KHDRBS2: variants seen among roughly 807,000 people sequenced by gnomAD.
KHDRBS2 encodes KH RNA binding domain containing, signal transduction associated 2.
Under a neutral mutation model 44.3 loss-of-function variants are expected in KHDRBS2, and 26 were observed. The ratio of observed to expected loss-of-function variants is 0.59; its 90% CI spans 0.43 to 0.81. The LOEUF (loss-of-function observed/expected upper bound fraction) is 0.81, where lower values mean the gene tolerates loss of function less well. KHDRBS2 is among the 40% of genes least tolerant of loss of function. KHDRBS2 has a pLI of 0.00. For synonymous variants in KHDRBS2, 194 were observed against 151.1 expected (o/e 1.28, Z -2.08); for missense variants, 476 against 433.1 (o/e 1.10, Z -0.88).
At chr6:61,611,406 A>G in the KHDRBS2 span, among the ~76,000 whole-genome samples, 68 of 152,300 alleles carry the variant, frequency 4.5e-4, no homozygotes, top group African/African-American at 1.5e-3. Context: ...TAAAGTAAAT[A>G]CTCTTACAGA....
intron 6 of KHDRBS2, among the ~76,000 whole-genome samples, chr6:61,845,726 G>A (rs950951269): frequency 3.3e-5 from 5 of 152,202 alleles, no homozygotes; most frequent in Admixed American, 2.6e-4. Flanking sequence ...TGAACGTGGA[G>A]AGAATAAATC....
chr6:62,003,656 C>A (rs534037519), intron 3 of KHDRBS2, among the ~76,000 whole-genome samples: 2 of 152,202 alleles, frequency 1.3e-5, no homozygotes, highest in South Asian at 4.1e-4. Context: ...CAGCTCTGCA[C>A]CAAGCAGACC....
rs1807994537 is a variant in KHDRBS2 at position 62,122,790 on chromosome 6, AAACAAGGCCAG to A, written c.219+54384_219+54394del. 2.0e-5 allele frequency among the ~76,000 whole-genome samples: 3 copies of A among 149,752 alleles called. 1 individual carries two copies. Among genetic ancestry groups the A allele is most frequent in the South Asian group, 2.1e-4 (1 of 4,708 alleles). On this transcript the variant is annotated intron_variant, in intron 2 of 8. Transcript: ENST00000281156. Reference sequence around the variant, plus strand: ...ACTCAGGTGAGTGGAGGCCAGTTTTAAACAAGGCCAGTTTCATAAACATCATCAGAGTACTT... The same window carrying A: ...ACTCAGGTGAGTGGAGGCCAGTTTTATTTCATAAACATCATCAGAGTACTT...
chr6:61,560,851 C>T, the KHDRBS2 span, among the ~76,000 whole-genome samples: 1 of 152,096 alleles, frequency 6.6e-6, no homozygotes, highest in African/African-American at 2.4e-5. Flanking sequence ...AACATGTTTT[C>T]CTGGATGGTG....
At chr6:62,191,468 C>G (rs1415393236) in intron 1 of KHDRBS2, among the ~76,000 whole-genome samples, 1 of 152,098 alleles carries the variant, frequency 6.6e-6, no homozygotes, top group Non-Finnish European at 1.5e-5. Flanking sequence ...ACTTTGTACT[C>G]TAAATGCAAC....
intron 2 of KHDRBS2, among the ~76,000 whole-genome samples, chr6:62,132,171 T>C (rs996831090): frequency 1.4e-4 from 21 of 152,334 alleles, no homozygotes; most frequent in Admixed American, 1.4e-3. Flanking sequence ...ATTATGATAA[T>C]TCTGAGATTT....
At chr6:61,673,586 C>A in the KHDRBS2 span, among the ~76,000 whole-genome samples, 2 of 140,058 alleles carry the variant, frequency 1.4e-5, no homozygotes, top group African/African-American at 5.2e-5. Flanking sequence ...TCTCAGGATA[C>A]AAAATCAATG....
chr6:62,110,435 C>T (rs1478978270), intron 2 of KHDRBS2, among the ~76,000 whole-genome samples: 3 of 151,978 alleles, frequency 2.0e-5, no homozygotes, highest in Non-Finnish European at 1.5e-5. Flanking sequence ...AACCTGGGAA[C>T]AACCTAAATT....
chr6:62,207,303 T>C (rs915885621), intron 1 of KHDRBS2, among the ~76,000 whole-genome samples: 4 of 152,098 alleles, frequency 2.6e-5, no homozygotes, highest in Admixed American at 1.3e-4. Context: ...ATTAATGATT[T>C]TAAAGGGTCT....
rs185058801 is a variant in KHDRBS2 at position 61,776,802 on chromosome 6, G to A, written c.811-44038C>T. 2.6e-5 allele frequency among the ~76,000 whole-genome samples: 4 copies of A among 152,272 alleles called. No homozygotes were observed. In the East Asian group the frequency reaches 7.7e-4, roughly 29 times the overall value. On this transcript the variant is annotated intron_variant, in intron 6 of 8. Transcript: ENST00000281156. ...CCCATTATTGGGTATATACCCAAAG[G>A]ACTATAAATCGTGCTGCTATAAAGT...
At chr6:61,790,100 A>G (rs1784405304) in intron 6 of KHDRBS2, among the ~76,000 whole-genome samples, 1 of 151,448 alleles carries the variant, frequency 6.6e-6, no homozygotes, top group African/African-American at 2.4e-5. Flanking sequence ...ATCCAGAGCA[A>G]GATTATGGAT....
intron 2 of KHDRBS2, among the ~76,000 whole-genome samples, chr6:62,131,683 G>A (rs1810359181): frequency 6.6e-6 from 1 of 152,108 alleles, no homozygotes; most frequent in Non-Finnish European, 1.5e-5. Flanking sequence ...GGTCCTAATT[G>A]GCTGAACCCA....
At chr6:61,768,609 A>T (rs910258463) in intron 6 of KHDRBS2, among the ~76,000 whole-genome samples, 1 of 151,578 alleles carries the variant, frequency 6.6e-6, no homozygotes, top group African/African-American at 2.4e-5. Flanking sequence ...AGGTTCACTA[A>T]TTCTTTCTTC....
chr6:61,820,056 C>A (rs936904044), intron 6 of KHDRBS2, among the ~76,000 whole-genome samples: 1 of 152,080 alleles, frequency 6.6e-6, no homozygotes, highest in African/African-American at 2.4e-5. Context: ...AGCCAAGATG[C>A]AAGCCTGGGC....
the KHDRBS2 span, among the ~76,000 whole-genome samples, chr6:61,584,969 A>G: frequency 6.6e-6 from 1 of 151,916 alleles, no homozygotes; most frequent in Admixed American, 6.6e-5. Context: ...GATTTTTTCT[A>G]TGTAGCTGTG....
chr6:62,098,846 C>G (rs1801228805), intron 2 of KHDRBS2, among the ~76,000 whole-genome samples: 1 of 151,972 alleles, frequency 6.6e-6, no homozygotes, highest in South Asian at 2.1e-4. Flanking sequence ...TTATTTTTTC[C>G]CCTCCATGTA....
intron 3 of KHDRBS2, among the ~76,000 whole-genome samples, chr6:62,047,121 A>G (rs1787878717): frequency 6.6e-6 from 1 of 151,934 alleles, no homozygotes; most frequent in Non-Finnish European, 1.5e-5. Flanking sequence ...CCATAATAAC[A>G]TTACCAAGTC....
At chr6:61,762,402 T>C (rs545169681) in intron 6 of KHDRBS2, among the ~76,000 whole-genome samples, 34 of 152,306 alleles carry the variant, frequency 2.2e-4, no homozygotes, top group African/African-American at 7.2e-4. Context: ...TCCACAATGT[T>C]GGAGATAGGG....
chr6:62,061,166 C>T (rs1791747745), intron 2 of KHDRBS2, among the ~76,000 whole-genome samples: 1 of 151,466 alleles, frequency 6.6e-6, no homozygotes, highest in Non-Finnish European at 1.5e-5. Flanking sequence ...GCATTTAGTC[C>T]ATTTACATTT....
Sources: gnomAD v4.1 joint callset for allele counts (sites outside exome capture counted in the v4.1 genomes callset) on GRCh38, gnomAD v4.1.1 for gene constraint, MANE v1.5 for transcripts, NCBI Gene and HGNC (gene_info 2026-07-23, HGNC 2026-07-21) for gene names.